Variants in DAPL1 observed in about 807,000 individuals in gnomAD.
The protein encoded by DAPL1 is death associated protein like 1, also known as death-associated protein-like 1.
A neutral mutation model predicts 12.9 loss-of-function variants in DAPL1; 17 were observed. The observed-to-expected ratio is 1.32, with a 90% CI of 0.90 to 1.98. The LOEUF is 1.98. Ranked by LOEUF, DAPL1 falls within the 30% of genes most tolerant of loss-of-function variation. DAPL1 has a pLI of 0.00. For missense variants in DAPL1, 157 were observed against 125.7 expected (o/e 1.25, Z -1.19); for synonymous variants, 51 against 42.0 (o/e 1.21, Z -0.82).
chr2:158,801,463 T>C (rs911790216), intron 1 of DAPL1, among the ~76,000 whole-genome samples: 1 of 152,208 alleles, frequency 6.6e-6, no homozygotes, highest in African/African-American at 2.4e-5. Context: ...CATCCCTTGA[T>C]TTATTTCACC....
chr2:158,809,393 C>T (rs933516174), intron 3 of DAPL1, among the ~76,000 whole-genome samples: 4 of 138,650 alleles, frequency 2.9e-5, no homozygotes, highest in African/African-American at 8.0e-5. Flanking sequence ...AGAAACTATA[C>T]CTATTTTTTA....
intron 1 of DAPL1, among the ~76,000 whole-genome samples, chr2:158,800,106 T>C (rs1021039240): frequency 4.0e-5 from 6 of 151,510 alleles, no homozygotes; most frequent in Middle Eastern, 6.8e-3. Context: ...CTTTGTTAAA[T>C]GCCTTATGCT....
intron 3 of DAPL1, among the ~76,000 whole-genome samples, chr2:158,815,200 T>C (rs2059253399): frequency 6.6e-6 from 1 of 152,240 alleles, no homozygotes; most frequent in African/African-American, 2.4e-5. Flanking sequence ...TTGAACCATA[T>C]GGAATGGCCA....
intron 3 of DAPL1, among the ~76,000 whole-genome samples, chr2:158,812,916 T>C (rs1187856308): frequency 6.6e-6 from 1 of 152,066 alleles, no homozygotes; most frequent in African/African-American, 2.4e-5. Context: ...AGAACAGATA[T>C]TTGTACACCA....
chr2:158,810,749 A>C (rs536265408), intron 3 of DAPL1, among the ~76,000 whole-genome samples: 27 of 152,204 alleles, frequency 1.8e-4, no homozygotes, highest in Middle Eastern at 3.4e-3. Context: ...TGAAGCCCTC[A>C]ATAAGAGAAT....
rs1470889847 is a variant in DAPL1 at position 158,795,393 on chromosome 2, C to T, written c.21C>T (p.Asp7=). MANEVQ[D]LLSPRKGGHP... ...ACGCTATGGCAAATGAAGTGCAAGA[C>T]CTGCTCTCCCCTCGGAAAGGGGGAC... is the stretch of plus-strand genomic sequence containing the variant. Residue 7 remains aspartate (D), a synonymous_variant, in exon 1 of 4, where the codon GAC becomes GAT. Transcript: ENST00000309950. The T allele has an allele frequency of 2.6e-6, 4 of 1,555,834 alleles. No individual in the cohort carries two copies. Among genetic ancestry groups the T allele is most frequent in the Middle Eastern group, 1.7e-4 (1 of 5,996 alleles).
At chr2:158,815,611 T>C (rs2059255600) in intron 3 of DAPL1, 94 bp from the exon 4 acceptor site, 4 of 806,202 alleles carry the variant, frequency 5.0e-6, no homozygotes, top group Middle Eastern at 2.3e-4. Context: ...AATTGTGAGA[T>C]TCCCTTGATC....
chr2:158,804,409 T>C, intron 2 of DAPL1, 40 bp downstream of exon 2: 2 of 1,435,268 alleles, frequency 1.4e-6, no homozygotes, highest in Non-Finnish European at 9.7e-7. Flanking sequence ...TTGAGGAGTT[T>C]TGAGTGACTC....
chr2:158,804,059 C>T (rs1197853943), intron 1 of DAPL1, among the ~76,000 whole-genome samples: 1 of 152,188 alleles, frequency 6.6e-6, no homozygotes, highest in Non-Finnish European at 1.5e-5. Context: ...AGTCTTGGTT[C>T]CACTTCTCTG....
chr2:158,807,012 A>C (rs373557856), intron 2 of DAPL1, 43 bp from the exon 3 acceptor site: 62 of 1,554,562 alleles, frequency 4.0e-5, no homozygotes, highest in Non-Finnish European at 5.3e-5. Context: ...TTCAGTGGGA[A>C]AATTTTTTAA....
At chr2:158,812,520 G>A (rs986041524) in intron 3 of DAPL1, among the ~76,000 whole-genome samples, 3 of 152,172 alleles carry the variant, frequency 2.0e-5, no homozygotes, top group Non-Finnish European at 2.9e-5. Context: ...CAGGCTGGAC[G>A]CAGTGGCTCA....
At chr2:158,804,416 ACT>A in intron 2 of DAPL1, 47 bp downstream of exon 2, 1 of 1,379,816 alleles carries the variant, frequency 7.2e-7, no homozygotes, top group Non-Finnish European at 1.0e-6. Flanking sequence ...GTTTTGAGTG[ACT>A]CTGCCTCCAG....
chr2:158,800,081 A>AAT (rs1553492202), intron 1 of DAPL1, among the ~76,000 whole-genome samples: 15,932 of 145,216 alleles, frequency 0.11, 1,192 homozygotes, highest in Non-Finnish European at 0.13. Flanking sequence ...AAAAAAAAAA[A>AAT]TTTGGCATTT....
At chr2:158,795,866 A>G (rs2059131825) in intron 1 of DAPL1, among the ~76,000 whole-genome samples, 1 of 152,150 alleles carries the variant, frequency 6.6e-6, no homozygotes, top group Admixed American at 6.5e-5. Flanking sequence ...GCATCATGTG[A>G]CTTCCTACCC....
chr2:158,809,356 T>TGAAAAAAAAAAAA (rs1559044422), intron 3 of DAPL1, among the ~76,000 whole-genome samples: 1 of 2,622 alleles, frequency 3.8e-4, no homozygotes, highest in Non-Finnish European at 1.3e-3. Context: ...AGACTCCATC[T>TGAAAAAAAAAAAA]CAAAAAAAAA....
intron 3 of DAPL1, among the ~76,000 whole-genome samples, chr2:158,808,780 T>A (rs760868055): frequency 1.3e-5 from 2 of 152,150 alleles, no homozygotes; most frequent in Non-Finnish European, 2.9e-5. Flanking sequence ...CTCACAGTTG[T>A]AAGTGGATAG....
chr2:158,800,772 C>G (rs562675967), intron 1 of DAPL1, among the ~76,000 whole-genome samples: 1 of 152,334 alleles, frequency 6.6e-6, no homozygotes, highest in East Asian at 1.9e-4. Context: ...TCTGGTCACT[C>G]TCCTCTGAAG....
chr2:158,802,078 G>A (rs1358297859), intron 1 of DAPL1, among the ~76,000 whole-genome samples: 3 of 152,076 alleles, frequency 2.0e-5, no homozygotes, highest in Admixed American at 1.3e-4. Context: ...GTAACTTACT[G>A]GCTGACAAAA....
chr2:158,799,748 C>T (rs550631200), intron 1 of DAPL1, among the ~76,000 whole-genome samples: 2 of 152,158 alleles, frequency 1.3e-5, no homozygotes, highest in Non-Finnish European at 2.9e-5. Context: ...ATGTGTGTTT[C>T]CCTTATGCTT....
Sources: allele counts gnomAD v4.1 joint callset (sites outside exome capture counted in the v4.1 genomes callset), GRCh38; gene constraint gnomAD v4.1.1; transcripts MANE v1.5; gene names NCBI Gene and HGNC (gene_info 2026-07-23, HGNC 2026-07-21).